TSPAN32: variants seen among roughly 807,000 people sequenced by gnomAD.
TSPAN32 encodes tetraspanin-32.
Under a neutral mutation model 42.7 loss-of-function variants are expected in TSPAN32, and 47 were observed. The observed-to-expected ratio is 1.10, with a 90% CI of 0.87 to 1.40. The LOEUF is 1.40. TSPAN32 is among the 40% of genes most tolerant of loss of function. The pLI is 0.00. For missense variants in TSPAN32, 469 were observed against 424.1 expected (o/e 1.11, Z -0.93); for synonymous variants, 175 against 175.9 (o/e 0.99, Z 0.04).
At chr11:2,305,761 A>C (rs975740352) in intron 3 of TSPAN32, among the ~76,000 whole-genome samples, 1 of 152,102 alleles carries the variant, frequency 6.6e-6, no homozygotes, top group Non-Finnish European at 1.5e-5. Context: ...GAGGCCCCCA[A>C]CTGGATGCCT....
rs1023462269 is a variant in TSPAN32 at position 2,304,956 on chromosome 11, T to A, written c.279+752T>A. ...GGCGCCCCGGGCTCCCACCTGTCCC[T>A]CTAGCCTCCCGTCTCCCCTTTCCAG... On this transcript the variant is annotated intron_variant, in intron 3 of 9. Coordinates refer to ENST00000182290, the MANE Select transcript of TSPAN32 (RefSeq NM_139022.3). The surrounding 1 kb of genome is among the most constrained non-coding windows in gnomAD (Gnocchi z 4.8). Among the ~76,000 whole-genome samples the A allele has an allele frequency of 6.6e-6, 1 of 152,120 alleles. No homozygotes were observed. Among genetic ancestry groups the A allele is most frequent in the Non-Finnish European group, 1.5e-5 (1 of 68,008 alleles).
chr11:2,311,050 G>C (rs923944108), intron 4 of TSPAN32, among the ~76,000 whole-genome samples: 1 of 152,228 alleles, frequency 6.6e-6, no homozygotes, highest in Non-Finnish European at 1.5e-5. Flanking sequence ...GAGAGCCGGG[G>C]GCCCAGAGCC....
chr11:2,313,896 G>T lies in TSPAN32; in HGVS notation c.456+141G>T, dbSNP rs1012683964. ...GACACAGGCCAGAGTTGCCCCTCAG[G>T]GCTGGGGGCAAAAAGCTCCCACCCT... On this transcript the variant is annotated intron_variant, in intron 5 of 9. Coordinates refer to ENST00000182290, the MANE Select transcript of TSPAN32 (RefSeq NM_139022.3). This position sits in a 1 kb window ranked among gnomAD's most constrained non-coding sequence, Gnocchi z 9.1. The T allele has an allele frequency of 3.0e-5, 21 of 693,178 alleles. No homozygotes were observed. Among genetic ancestry groups the T allele is most frequent in the Non-Finnish European group, 5.0e-5 (21 of 419,248 alleles). 42.9% of individuals were successfully genotyped at this position (693,178 alleles called of 1,614,324 possible).
chr11:2,314,263 A>C (rs1474699104), intron 5 of TSPAN32, among the ~76,000 whole-genome samples: 2 of 152,032 alleles, frequency 1.3e-5, no homozygotes, highest in Admixed American at 1.3e-4. Flanking sequence ...GTGTTCTGTC[A>C]CCAGCAGGCA....
chr11:2,308,194 G>A (rs1007883816), intron 3 of TSPAN32, among the ~76,000 whole-genome samples: 8 of 152,124 alleles, frequency 5.3e-5, no homozygotes, highest in African/African-American at 1.7e-4. Context: ...AAAAAGCGCA[G>A]GGGAAGGGGA....
Position 2,316,621 on chromosome 11 carries a change from T to C in TSPAN32, c.673T>C (p.Cys225Arg). Residue 225 changes from cysteine (C) to arginine (R), a missense_variant, in exon 8 of 10, where the codon TGT (cysteine) becomes CGT (arginine). Cys to Arg is a radical substitution (Grantham distance 180, BLOSUM62 -3). Coordinates refer to ENST00000182290, the MANE Select transcript of TSPAN32 (RefSeq NM_139022.3). ...FSSFLWFAIR[C>R]GCSLDRKGKY... ...CTCCTTCCTGTGGTTTGCCATCCGCTGTGGCTGCAGCTTGGACCGCAAGGG... is the reference window on the plus strand; with the variant it reads ...CTCCTTCCTGTGGTTTGCCATCCGCCGTGGCTGCAGCTTGGACCGCAAGGG... 6.5e-7 allele frequency: 1 copy of C among 1,548,990 alleles called. No individual in the cohort carries two copies. Among genetic ancestry groups the C allele is most frequent in the Non-Finnish European group, 8.7e-7 (1 of 1,145,460 alleles).
chr11:2,309,366 C>T (rs7112919), intron 4 of TSPAN32: 33,702 of 469,896 alleles, frequency 0.072, 1,968 homozygotes, highest in African/African-American at 0.21. Context: ...GAGGAGGGTC[C>T]GGCCTAGCTG....
Position 2,313,651 on chromosome 11 carries a change from C to G in TSPAN32, c.355-3C>G. 1 of 1,600,274 alleles carries G rather than the reference C, an allele frequency of 6.2e-7. No homozygotes were observed. The highest frequency in any genetic ancestry group is 8.5e-7 in the Non-Finnish European group (1 of 1,174,142). ...AGGACCTCCCTGTGGTCTCTCGGTG[C>G]AGGTGGAGGACGCCATGCTGGACAC... On this transcript the variant is annotated splice_polypyrimidine_tract_variant and splice_region_variant and intron_variant, in intron 4 of 9. Transcript: ENST00000182290. This position sits in a 1 kb window ranked among gnomAD's most constrained non-coding sequence, Gnocchi z 9.1.
In TSPAN32 at chr11:2,316,264, A is replaced by C; in HGVS notation, c.579A>C (p.Thr193=). 6.2e-7 allele frequency: 1 copy of C among 1,603,580 alleles called. No homozygotes were observed. Among genetic ancestry groups the C allele is most frequent in the Non-Finnish European group, 8.5e-7 (1 of 1,176,396 alleles). ...CLQGIRSFLR[T]HQQVASSLTS... Reference sequence around the variant, plus strand: ...AGGGCATCCGGAGCTTCCTGAGGACACACCAGCAGGTCGCCTCCAGCCTGA... The same window carrying C: ...AGGGCATCCGGAGCTTCCTGAGGACCCACCAGCAGGTCGCCTCCAGCCTGA... The change falls in exon 7 of 10, where the codon ACA becomes ACC. Residue 193 remains threonine (T), a synonymous_variant. Coordinates refer to ENST00000182290, the MANE Select transcript of TSPAN32 (RefSeq NM_139022.3).
At chr11:2,302,308 G>A (rs2133279187) in intron 1 of TSPAN32, 93 bp downstream of exon 1, 3 of 1,242,112 alleles carry the variant, frequency 2.4e-6, no homozygotes, top group Non-Finnish European at 3.1e-6. Context: ...TCCCTCCCCT[G>A]ACACACACAC....
In TSPAN32 at chr11:2,316,668, G is replaced by T; in HGVS notation, c.719+1G>T. On this transcript the variant is annotated splice_donor_variant, in intron 8 of 9. Transcript: ENST00000182290. LOFTEE classifies it high-confidence loss of function. ...AGGGCAAATACACCCTGACCCCACGGTAGGGCCCCCTGCCTGCCCCCACAC... is the reference window on the plus strand; with the variant it reads ...AGGGCAAATACACCCTGACCCCACGTTAGGGCCCCCTGCCTGCCCCCACAC... 3.3e-6 allele frequency: 5 copies of T among 1,523,042 alleles called. No individual in the cohort carries two copies. The highest frequency in any genetic ancestry group is 4.4e-6 in the Non-Finnish European group (5 of 1,134,522). The allele number at this position is 1,523,042 out of a possible 1,614,324, so 94.3% of individuals were successfully genotyped here.
chr11:2,317,246 G>C lies in TSPAN32; in HGVS notation c.720-98G>C. ...TCCATAATCCCCTCCAGAACATTCTGCAACAGCCCCATGATCCCCTCTAGA... is the reference window on the plus strand; with the variant it reads ...TCCATAATCCCCTCCAGAACATTCTCCAACAGCCCCATGATCCCCTCTAGA... On this transcript the variant is annotated intron_variant, in intron 8 of 9. Coordinates refer to ENST00000182290, the MANE Select transcript of TSPAN32 (RefSeq NM_139022.3). This position sits in a 1 kb window ranked among gnomAD's most constrained non-coding sequence, Gnocchi z 6.2. 1.1e-6 allele frequency: 1 copy of C among 948,740 alleles called. No individual in the cohort carries two copies. The allele number at this position is 948,740 out of a possible 1,614,324, so 58.8% of individuals were successfully genotyped here.
chr11:2,303,686 G>A (rs930979785), intron 2 of TSPAN32, among the ~76,000 whole-genome samples: 3 of 152,122 alleles, frequency 2.0e-5, no homozygotes, highest in Non-Finnish European at 4.4e-5. Context: ...GGAGGAGGAC[G>A]CCTGGGGCCC....
At chr11:2,312,023 G>A (rs974281611) in intron 4 of TSPAN32, among the ~76,000 whole-genome samples, 1 of 152,104 alleles carries the variant, frequency 6.6e-6, no homozygotes. Context: ...GGCAGGGCAG[G>A]AAGAGCCAGG....
chr11:2,317,467 G>T lies in TSPAN32; in HGVS notation c.843G>T (p.Trp281Cys). The change falls in exon 9 of 10, where the codon TGG (tryptophan) becomes TGT (cysteine). Residue 281 changes from tryptophan to cysteine, a missense_variant. By Grantham distance (215) the Trp-to-Cys change is radical (BLOSUM62 -2). Transcript: ENST00000182290. This position sits in a 1 kb window ranked among gnomAD's most constrained non-coding sequence, Gnocchi z 6.2. The part of the protein sequence containing the change: ...GPRGCSGSLR[W>C]LQESDAAPLP... ...GAGGATGCTCGGGTAGTCTTCGGTG[G>T]CTGCAGGAGAGCGATGCTGCGCCTC... The T allele has an allele frequency of 6.2e-7, 1 of 1,600,842 alleles. No individual in the cohort carries two copies. The highest frequency in any genetic ancestry group is 2.3e-5 in the East Asian group (1 of 44,422).
At chr11:2,312,273 G>C (rs574695627) in intron 4 of TSPAN32, among the ~76,000 whole-genome samples, 96 of 152,194 alleles carry the variant, frequency 6.3e-4, no homozygotes, top group Admixed American at 3.3e-3. Context: ...GGCCCACTCC[G>C]CTGGGCCTCC....
At chr11:2,311,797 G>A (rs927741334) in intron 4 of TSPAN32, among the ~76,000 whole-genome samples, 2 of 152,208 alleles carry the variant, frequency 1.3e-5, no homozygotes, top group Admixed American at 1.3e-4. Flanking sequence ...CTTCCCCCAG[G>A]TGTCCTGAGA....
chr11:2,309,191 A>C, intron 4 of TSPAN32: 2 of 391,484 alleles, frequency 5.1e-6, no homozygotes, highest in South Asian at 3.8e-5. Context: ...GAAGGAGCAG[A>C]GTGTTCCAGA....
chr11:2,308,365 C>T (rs932134587), intron 3 of TSPAN32, among the ~76,000 whole-genome samples: 2 of 151,872 alleles, frequency 1.3e-5, no homozygotes, highest in East Asian at 3.9e-4. Flanking sequence ...CTGCCAGGCC[C>T]CACCAGGCCC....
Sources: gnomAD v4.1 joint callset for allele counts (sites outside exome capture counted in the v4.1 genomes callset) on GRCh38, gnomAD v4.1.1 for gene constraint, Gnocchi (gnomAD v3.1) non-coding constraint, MANE v1.5 for transcripts, NCBI Gene and HGNC (gene_info 2026-07-23, HGNC 2026-07-21) for gene names.